The following WDR17 variants were observed in gnomAD, a reference collection of about 807,000 sequenced individuals.
The protein encoded by WDR17 is WD repeat-containing protein 17.
Under a neutral mutation model 161.7 loss-of-function variants are expected in WDR17, and 143 were observed. The ratio of observed to expected loss-of-function variants is 0.88; its 90% CI spans 0.77 to 1.02. The LOEUF (loss-of-function observed/expected upper bound fraction) is 1.02. Among genes scored for constraint, WDR17 ranks in the 50% least tolerant of loss-of-function variants. WDR17 has a pLI of 0.00. For synonymous variants in WDR17, 517 were observed against 515.6 expected, an observed-to-expected ratio of 1.00 and a Z score of -0.04; for missense variants, 1,469 against 1,520.9, an observed-to-expected ratio of 0.97 and a Z score of 0.57.
intron 1 of WDR17, among the ~76,000 whole-genome samples, chr4:176,103,570 A>C (rs1738173153): frequency 6.6e-6 from 1 of 152,144 alleles, no homozygotes; most frequent in Non-Finnish European, 1.5e-5. Flanking sequence ...ACAATGTATG[A>C]ACAAAATAGA....
chr4:176,093,844 A>T (rs1346170720), intron 1 of WDR17, among the ~76,000 whole-genome samples: 1 of 152,200 alleles, frequency 6.6e-6, no homozygotes, highest in Admixed American at 6.6e-5. Flanking sequence ...CCTGGAGTAC[A>T]ACAACAAAAG....
intron 11 of WDR17, among the ~76,000 whole-genome samples, chr4:176,144,054 T>C (rs904866287): frequency 3.3e-5 from 5 of 152,182 alleles, no homozygotes; most frequent in African/African-American, 1.2e-4. Flanking sequence ...CACACTCACT[T>C]TCAGTTTATG....
intron 7 of WDR17, among the ~76,000 whole-genome samples, chr4:176,133,378 TAAAAAAAAAAAAA>T (rs571544131): frequency 1.4e-5 from 1 of 72,994 alleles, no homozygotes; most frequent in Non-Finnish European, 2.9e-5. Context: ...TCTACTAAGC[TAAAAAAAAAAAAA>T]AAAAAAAAAA....
chr4:176,181,698 A>T lies in WDR17; in HGVS notation c.*2119A>T, dbSNP rs1295490198. The T allele has an allele frequency of 6.5e-6, 1 of 153,000 alleles. No homozygotes were observed. The highest frequency in any genetic ancestry group is 1.5e-5 in the Non-Finnish European group (1 of 68,376). 9.5% of individuals were successfully genotyped at this position (153,000 alleles called of 1,614,324 possible). ...ATCCTACTGTCATTCTTTTTATTTT[A>T]AAATAAATAAATAAGCCTATCTTTT... is the stretch of plus-strand genomic sequence containing the variant. On this transcript the variant is annotated 3_prime_UTR_variant, in exon 29 of 29. Transcript: ENST00000508596.
intron 1 of WDR17, among the ~76,000 whole-genome samples, chr4:176,071,362 G>A (rs537835921): frequency 1.7e-4 from 24 of 139,170 alleles, no homozygotes; most frequent in East Asian, 8.5e-4. Flanking sequence ...TCACTCTGTC[G>A]CCCAGGCTGG....
At chr4:176,100,584 T>G (rs1398823608) in intron 1 of WDR17, among the ~76,000 whole-genome samples, 3 of 152,072 alleles carry the variant, frequency 2.0e-5, no homozygotes. Context: ...AGCTCTTTAG[T>G]TTAATTAAGT....
At chr4:176,129,729 G>T (rs1222738201) in intron 6 of WDR17, among the ~76,000 whole-genome samples, 1 of 152,152 alleles carries the variant, frequency 6.6e-6, no homozygotes, top group African/African-American at 2.4e-5. Context: ...GCAAGTAGTA[G>T]AAAATCTCTA....
chr4:176,149,975 T>C lies in WDR17; in HGVS notation c.2047+19T>C. 1 of 1,610,302 alleles carries C rather than the reference T, an allele frequency of 6.2e-7. No individual in the cohort carries two copies. Among genetic ancestry groups the C allele is most frequent in the Non-Finnish European group, 8.5e-7 (1 of 1,178,958 alleles). On this transcript the variant is annotated intron_variant, in intron 14 of 28. Transcript: ENST00000508596. ...AACACTGGTATGGAACATATACATG[T>C]ATTAGAGTTTATTTCTAAATAAGTT...
intron 1 of WDR17, among the ~76,000 whole-genome samples, chr4:176,082,105 G>A (rs909888793): frequency 4.0e-5 from 6 of 151,650 alleles, no homozygotes; most frequent in Non-Finnish European, 7.4e-5. Context: ...TTAATAACTG[G>A]CTTTAGTTCC....
chr4:176,147,717 GC>G lies in WDR17; in HGVS notation c.1695-415del, dbSNP rs1340458142. On this transcript the variant is annotated intron_variant, in intron 12 of 28. Transcript: ENST00000508596. ...AATTTTATTCACATGTAACTAACCG[GC>G]ACATTGTGCACATGTACCCTAAAAC... 1.2e-4 allele frequency among the ~76,000 whole-genome samples: 18 copies of G among 151,976 alleles called. No homozygotes were observed. In the East Asian group the frequency reaches 2.9e-3, roughly 25 times the overall value.
chr4:176,166,003 A>G, intron 22 of WDR17: 1 of 489,464 alleles, frequency 2.0e-6, no homozygotes, highest in Non-Finnish European at 3.6e-6. Context: ...TACATCATTT[A>G]TAAAGATGTG....
chr4:176,112,172 G>A (rs1739875067), intron 2 of WDR17, among the ~76,000 whole-genome samples: 1 of 152,152 alleles, frequency 6.6e-6, no homozygotes. Flanking sequence ...TTCAAAGTCA[G>A]TATCTCAGTG....
At position 176,120,014 on chromosome 4, in the gene WDR17, T is replaced by G. The variant is rs757950257; in HGVS notation, c.455T>G (p.Ile152Ser). ...HKDAHSFLSD[I>S]CMFRWHTHQK... The stretch of plus-strand genomic sequence containing the variant: ...GATGCTCATAGCTTCTTGTCTGATA[T>G]CTGTATGTTCAGATGGCATACACAC... The change falls in exon 4 of 29, where the codon ATC becomes AGC. Residue 152 changes from isoleucine to serine, a missense_variant. Physicochemically the swap from Ile to Ser is moderately radical, Grantham distance 142 (BLOSUM62 -2). Coordinates refer to ENST00000508596, the MANE Select transcript of WDR17 (RefSeq NM_181265.4). 6.2e-7 allele frequency: 1 copy of G among 1,614,094 alleles called. No individual in the cohort carries two copies. Among genetic ancestry groups the G allele is most frequent in the Admixed American group, 1.7e-5 (1 of 60,012 alleles).
At chr4:176,177,328 T>C (rs115542962) in intron 27 of WDR17, 143 bp from the exon 28 acceptor site, 14,207 of 974,082 alleles carry the variant, frequency 0.015, 135 homozygotes, top group Middle Eastern at 0.021. Context: ...TGTAGTCCTT[T>C]GTTTTACTAT....
intron 5 of WDR17, among the ~76,000 whole-genome samples, chr4:176,128,393 A>T (rs949803886): frequency 6.8e-6 from 1 of 146,816 alleles, no homozygotes; most frequent in African/African-American, 2.5e-5. Flanking sequence ...TTAGAAATGG[A>T]GAGTTTTCTG....
chr4:176,119,058 G>T (rs764666990), intron 3 of WDR17, among the ~76,000 whole-genome samples: 1 of 152,054 alleles, frequency 6.6e-6, no homozygotes, highest in Non-Finnish European at 1.5e-5. Flanking sequence ...TGATTTTGAT[G>T]CAGCCAGCTA....
intron 2 of WDR17, among the ~76,000 whole-genome samples, chr4:176,113,858 G>A (rs1210298583): frequency 2.0e-5 from 3 of 151,872 alleles, no homozygotes; most frequent in Non-Finnish European, 2.9e-5. Flanking sequence ...CTGTTGTTTT[G>A]TAATGCACTG....
Position 176,177,596 on chromosome 4 carries a change from C to A in WDR17, c.3674C>A (p.Ser1225Ter). 1 of 1,596,198 alleles carries A rather than the reference C, an allele frequency of 6.3e-7. No individual in the cohort carries two copies. The highest frequency in any genetic ancestry group is 1.4e-5 in the African/African-American group (1 of 73,768). Residue 1225 changes from serine to a stop codon, truncating the protein, a stop_gained, in exon 28 of 29, where the codon TCA (serine) becomes TAA (stop). Coordinates refer to ENST00000508596, the MANE Select transcript of WDR17 (RefSeq NM_181265.4). LOFTEE classifies it high-confidence loss of function. The stretch of plus-strand genomic sequence containing the variant: ...ATTGGACCAGATTATGTGACTGGAT[C>A]AAATCTTCCAAGTCATTCTGATATT... The part of the protein sequence containing the change: ...GIIGPDYVTG[S>*]NLPSHSDIHI...
chr4:176,150,746 A>G (rs1380731972), intron 16 of WDR17, among the ~76,000 whole-genome samples, 153 bp downstream of exon 16: 1 of 152,218 alleles, frequency 6.6e-6, no homozygotes, highest in Non-Finnish European at 1.5e-5. Flanking sequence ...AATGAATCAT[A>G]AAAGTGAATT....
Sources: allele counts gnomAD v4.1 joint callset (sites outside exome capture counted in the v4.1 genomes callset), GRCh38; gene constraint gnomAD v4.1.1; transcripts MANE v1.5; gene names NCBI Gene and HGNC (gene_info 2026-07-23, HGNC 2026-07-21).